ASIC2: variants seen among roughly 807,000 people sequenced by gnomAD.
ASIC2 encodes acid sensing ion channel subunit 2, also known as acid-sensing ion channel 2.
In ASIC2, 25 loss-of-function variants were observed where a neutral mutation model predicts 57.3. The observed-to-expected ratio is 0.44, with a 90% confidence interval of 0.32 to 0.61. ASIC2 has a LOEUF of 0.61. Among genes scored for constraint, ASIC2 ranks in the 20% least tolerant of loss-of-function variants. ASIC2 has a pLI of 0.06. For missense variants in ASIC2, 641 were observed against 738.1 expected, an observed-to-expected ratio of 0.87 and a Z score of 1.52; for synonymous variants, 319 against 307.5, an observed-to-expected ratio of 1.04 and a Z score of -0.39.
intron 1 of ASIC2, among the ~76,000 whole-genome samples, chr17:33,995,464 C>T (rs527705377): frequency 6.6e-6 from 1 of 152,228 alleles, no homozygotes; most frequent in African/African-American, 2.4e-5. Flanking sequence ...ACTACACTCT[C>T]TTTTCTCTGT....
intron 1 of ASIC2, among the ~76,000 whole-genome samples, chr17:33,379,300 A>G (rs1306660164): frequency 6.6e-6 from 1 of 152,184 alleles, no homozygotes; most frequent in Non-Finnish European, 1.5e-5. Flanking sequence ...GGCTGATAAT[A>G]TCTTACACTC....
intron 3 of ASIC2, among the ~76,000 whole-genome samples, chr17:33,051,349 C>T (rs542325006): frequency 6.6e-6 from 1 of 152,164 alleles, no homozygotes; most frequent in African/African-American, 2.4e-5. Flanking sequence ...GTCTCCCAAT[C>T]CTGTGCCCTG....
At chr17:33,630,797 T>G (rs995592333) in intron 1 of ASIC2, among the ~76,000 whole-genome samples, 14 of 152,232 alleles carry the variant, frequency 9.2e-5, no homozygotes, top group African/African-American at 3.1e-4. Flanking sequence ...TCAGTAAGCA[T>G]TAGTTATTAT....
intron 1 of ASIC2, among the ~76,000 whole-genome samples, chr17:33,392,936 G>C (rs908940963): frequency 2.6e-5 from 4 of 152,040 alleles, no homozygotes; most frequent in African/African-American, 9.7e-5. Flanking sequence ...AATTCCCACA[G>C]CTAATTAGTA....
At chr17:33,320,600 G>A (rs1164415118) in intron 1 of ASIC2, among the ~76,000 whole-genome samples, 3 of 152,136 alleles carry the variant, frequency 2.0e-5, no homozygotes, top group Admixed American at 1.3e-4. Flanking sequence ...TGTTGGTTGC[G>A]AACACATCAT....
At chr17:33,835,071 T>C (rs149700682) in intron 1 of ASIC2, among the ~76,000 whole-genome samples, 1 of 152,332 alleles carries the variant, frequency 6.6e-6, no homozygotes, top group Non-Finnish European at 1.5e-5. Flanking sequence ...TGATCTGCAT[T>C]CTCATGGAAC....
intron 6 of ASIC2, among the ~76,000 whole-genome samples, chr17:33,022,509 G>A (rs952442045): frequency 5.9e-5 from 9 of 152,112 alleles, no homozygotes; most frequent in Non-Finnish European, 1.2e-4. Flanking sequence ...TTAGGATAAA[G>A]CCCACCCCCT....
At chr17:34,093,450 A>G (rs903790532) in intron 1 of ASIC2, among the ~76,000 whole-genome samples, 3 of 152,238 alleles carry the variant, frequency 2.0e-5, no homozygotes, top group African/African-American at 7.2e-5. Context: ...CAAGCCCCAC[A>G]AAGTCCTATG....
intron 1 of ASIC2, among the ~76,000 whole-genome samples, chr17:33,148,155 T>C (rs2142025958): frequency 6.6e-6 from 1 of 152,356 alleles, no homozygotes; most frequent in Middle Eastern, 3.4e-3. Context: ...CTTCACACCT[T>C]CTGTGCCGTT....
chr17:33,657,003 G>A (rs1330275364), intron 1 of ASIC2, among the ~76,000 whole-genome samples: 1 of 152,198 alleles, frequency 6.6e-6, no homozygotes, highest in Non-Finnish European at 1.5e-5. Context: ...AAAGCAAGAT[G>A]ACCATGCTGG....
At chr17:33,230,872 C>T (rs917593783) in intron 1 of ASIC2, among the ~76,000 whole-genome samples, 15 of 151,876 alleles carry the variant, frequency 9.9e-5, no homozygotes, top group African/African-American at 3.1e-4. Context: ...TGATACGCAA[C>T]GAAAATACGT....
rs117726174 is a variant in ASIC2, at chr17:33,878,383, T to A, written c.555+277595A>T. Among the ~76,000 whole-genome samples the A allele has an allele frequency of 6.6e-5, 10 of 152,194 alleles. 1 individual carries two copies. In the South Asian group the frequency reaches 1.0e-3, roughly 16 times the overall value. ...GAAAAAAATTAGACAAATGGCTAACTGGAATAACTAATGCAGATAAGTCCT... is the reference window on the plus strand; with the variant it reads ...GAAAAAAATTAGACAAATGGCTAACAGGAATAACTAATGCAGATAAGTCCT... On this transcript the variant is annotated intron_variant, in intron 1 of 9. Transcript: ENST00000359872.
chr17:33,412,478 C>T (rs1259729757), intron 1 of ASIC2, among the ~76,000 whole-genome samples: 1 of 152,170 alleles, frequency 6.6e-6, no homozygotes, highest in Admixed American at 6.5e-5. Context: ...TCCTTGAGGT[C>T]CACATTAATC....
intron 1 of ASIC2, chr17:33,976,814 A>T (rs553979075): frequency 6.6e-6 from 1 of 151,212 alleles, no homozygotes; most frequent in South Asian, 2.1e-4. Context: ...ACATCAAATC[A>T]TGAGATTAGG....
intron 1 of ASIC2, among the ~76,000 whole-genome samples, chr17:34,099,682 AAAG>A (rs1910756240): frequency 6.7e-6 from 1 of 149,702 alleles, no homozygotes; most frequent in African/African-American, 2.5e-5. Flanking sequence ...GAAAGAAAGA[AAAG>A]AAAGAGAAGA....
At chr17:34,021,939 G>A (rs986678805) in intron 1 of ASIC2, among the ~76,000 whole-genome samples, 17 of 148,282 alleles carry the variant, frequency 1.1e-4, no homozygotes, top group Admixed American at 7.5e-4. Flanking sequence ...CTGGGCTCAC[G>A]CCATTCTCTT....
chr17:33,359,270 G>A (rs779892998), intron 1 of ASIC2, among the ~76,000 whole-genome samples: 1 of 152,208 alleles, frequency 6.6e-6, no homozygotes, highest in Non-Finnish European at 1.5e-5. Flanking sequence ...TTGGTTCTAA[G>A]GTTGAAATGT....
intron 1 of ASIC2, among the ~76,000 whole-genome samples, chr17:33,972,947 T>G (rs576560235): frequency 5.3e-5 from 8 of 152,202 alleles, no homozygotes; most frequent in Non-Finnish European, 1.2e-4. Flanking sequence ...AATCAGAGAC[T>G]GAGACTGAAA....
chr17:34,066,346 C>T (rs1374917313), intron 1 of ASIC2, among the ~76,000 whole-genome samples: 1 of 152,204 alleles, frequency 6.6e-6, no homozygotes, highest in Non-Finnish European at 1.5e-5. Context: ...ATTAGAACCA[C>T]CTGGGGAGTT....
Sources: allele counts gnomAD v4.1 joint callset (sites outside exome capture counted in the v4.1 genomes callset), GRCh38; gene constraint gnomAD v4.1.1; transcripts MANE v1.5; gene names NCBI Gene and HGNC (gene_info 2026-07-23, HGNC 2026-07-21).